Variants in ADCY8 observed in about 807,000 individuals in gnomAD.
ADCY8 encodes the protein adenylate cyclase type 8.
A neutral mutation model predicts 119.7 loss-of-function variants in ADCY8; 51 were observed. That is an observed-to-expected ratio of 0.43 (90% CI 0.34 to 0.54). ADCY8 has a LOEUF of 0.54. ADCY8 is among the 20% of genes least tolerant of loss of function. The pLI, the probability that ADCY8 is intolerant of heterozygous loss-of-function variation, is 0.03. For synonymous variants in ADCY8, 665 were observed against 651.0 expected (o/e 1.02, Z -0.33); for missense variants, 1,383 against 1,598.8 (o/e 0.87, Z 2.30).
intron 11 of ADCY8, among the ~76,000 whole-genome samples, chr8:130,845,081 C>A (rs1248117669): frequency 6.6e-6 from 1 of 152,074 alleles, no homozygotes; most frequent in Non-Finnish European, 1.5e-5. Context: ...TCACTTAATT[C>A]TTGTAATTAA....
At chr8:130,842,579 AATT>A (rs1817178876) in intron 11 of ADCY8, among the ~76,000 whole-genome samples, 1 of 152,102 alleles carries the variant, frequency 6.6e-6, no homozygotes, top group South Asian at 2.1e-4. Context: ...CAGTTATAGC[AATT>A]ATTTGCCTGG....
At chr8:130,967,895 G>A (rs545248569) in intron 2 of ADCY8, among the ~76,000 whole-genome samples, 6 of 152,290 alleles carry the variant, frequency 3.9e-5, no homozygotes, top group South Asian at 4.1e-4. Flanking sequence ...ACAGACAGAA[G>A]CTCAGGTTCT....
intron 2 of ADCY8, among the ~76,000 whole-genome samples, chr8:130,969,893 T>A (rs1821871732): frequency 6.6e-6 from 1 of 152,240 alleles, no homozygotes; most frequent in African/African-American, 2.4e-5. Flanking sequence ...CAGGATTTTA[T>A]TAGGGTCATT....
At position 130,840,020 on chromosome 8, in the gene ADCY8, G is replaced by A. The variant is rs149734992; in HGVS notation, c.2503-3571C>T. Among the ~76,000 whole-genome samples, 500 of 140,190 alleles carry A rather than the reference G, an allele frequency of 3.6e-3. 106 individuals are homozygous for A. Among genetic ancestry groups the A allele is most frequent in the South Asian group, 0.02 (70 of 3,462 alleles). 92.0% of individuals were successfully genotyped at this position (140,190 alleles called of 152,430 possible). ...CCAATAAACTTAGCAAGATATAAAA[G>A]TTGGACAACATTGTCTAGTTTTATG... On this transcript the variant is annotated intron_variant, in intron 11 of 17. Coordinates refer to ENST00000286355, the MANE Select transcript of ADCY8 (RefSeq NM_001115.3).
intron 1 of ADCY8, among the ~76,000 whole-genome samples, chr8:131,036,918 A>C (rs1824174079): frequency 6.6e-6 from 1 of 152,162 alleles, no homozygotes; most frequent in Non-Finnish European, 1.5e-5. Flanking sequence ...AGAAGTTAGG[A>C]TTTTACTCGA....
chr8:130,853,226 C>T lies in ADCY8; in HGVS notation c.2211-3423G>A, dbSNP rs138171436. Among the ~76,000 whole-genome samples, 502 of 152,372 alleles carry T rather than the reference C, an allele frequency of 3.3e-3. 2 individuals carry two copies. The highest frequency in any genetic ancestry group is 6.8e-3 in the Middle Eastern group (2 of 294). On this transcript the variant is annotated intron_variant, in intron 9 of 17. Transcript: ENST00000286355. ...ATGACAGGGAAGCCAGAGCCTTGAT[C>T]TACCCTATGGGAGGAGGGCTGGCCA...
At chr8:130,885,691 A>T (rs1033115649) in intron 7 of ADCY8, among the ~76,000 whole-genome samples, 9 of 152,132 alleles carry the variant, frequency 5.9e-5, no homozygotes, top group Non-Finnish European at 7.4e-5. Context: ...TTGGACCTGA[A>T]GGGATATATA....
chr8:130,916,586 A>T (rs1003604209), intron 5 of ADCY8, among the ~76,000 whole-genome samples: 2 of 152,254 alleles, frequency 1.3e-5, no homozygotes, highest in African/African-American at 4.8e-5. Context: ...TAACATGTCC[A>T]TAATGGCCAT....
At chr8:131,005,001 A>G (rs761338017) in intron 1 of ADCY8, among the ~76,000 whole-genome samples, 5 of 152,170 alleles carry the variant, frequency 3.3e-5, no homozygotes, top group Non-Finnish European at 7.3e-5. Flanking sequence ...CTGGTGACCT[A>G]TTATATACTG....
chr8:131,033,990 T>C (rs1824073042), intron 1 of ADCY8, among the ~76,000 whole-genome samples: 1 of 152,034 alleles, frequency 6.6e-6, no homozygotes, highest in African/African-American at 2.4e-5. Flanking sequence ...TTAAAGCCTA[T>C]ATGAATTTCC....
At chr8:131,002,930 G>A (rs990424886) in intron 1 of ADCY8, among the ~76,000 whole-genome samples, 2 of 152,134 alleles carry the variant, frequency 1.3e-5, no homozygotes, top group Non-Finnish European at 2.9e-5. Context: ...GGCTGGGCAC[G>A]GTGGCTCACG....
rs552744334 is a variant in ADCY8, at chr8:130,827,484, A to C, written c.2676-6064T>G. On this transcript the variant is annotated intron_variant, in intron 12 of 17. Transcript: ENST00000286355. ...CCTGATCGAACCAATCTGTGAGCCT[A>C]TGTAAATCAGACACCACCTCCTCAA... is the stretch of plus-strand genomic sequence containing the variant. Among the ~76,000 whole-genome samples, 9 of 152,316 alleles carry C rather than the reference A, an allele frequency of 5.9e-5. No individual in the cohort carries two copies. The East Asian group carries it at 1.7e-3, about 29-fold the overall frequency.
intron 1 of ADCY8, among the ~76,000 whole-genome samples, chr8:131,016,687 G>A (rs949288515): frequency 1.3e-5 from 2 of 152,098 alleles, no homozygotes; most frequent in African/African-American, 4.8e-5. Flanking sequence ...GGTGAGGCTG[G>A]AGCAGAGTGA....
intron 1 of ADCY8, among the ~76,000 whole-genome samples, chr8:131,003,924 T>A (rs1205234427): frequency 6.6e-6 from 1 of 152,120 alleles, no homozygotes; most frequent in Non-Finnish European, 1.5e-5. Context: ...ATTAACTATG[T>A]GGTTGGCTAA....
intron 12 of ADCY8, among the ~76,000 whole-genome samples, chr8:130,832,608 T>A (rs937127779): frequency 6.6e-6 from 1 of 152,024 alleles, no homozygotes; most frequent in South Asian, 2.1e-4. Context: ...TAGCAAAGAG[T>A]AAGGCAATAG....
intron 1 of ADCY8, among the ~76,000 whole-genome samples, chr8:130,994,530 A>G (rs1822705647): frequency 6.6e-6 from 1 of 152,160 alleles, no homozygotes; most frequent in Non-Finnish European, 1.5e-5. Flanking sequence ...GTATAAGTTT[A>G]TTTTGGTGCA....
At chr8:130,839,796 C>T (rs982862497) in intron 11 of ADCY8, among the ~76,000 whole-genome samples, 1 of 140,070 alleles carries the variant, frequency 7.1e-6, no homozygotes, top group African/African-American at 2.4e-5. Flanking sequence ...GGGGCAAAAC[C>T]ACACTGTAAA....
intron 1 of ADCY8, among the ~76,000 whole-genome samples, chr8:131,038,801 G>A (rs1038208631): frequency 8.5e-5 from 13 of 152,120 alleles, no homozygotes; most frequent in South Asian, 8.3e-4. Context: ...AAAAATTCCC[G>A]AGAAAACCAT....
intron 4 of ADCY8, among the ~76,000 whole-genome samples, chr8:130,942,280 T>C (rs569782763): frequency 6.6e-6 from 1 of 152,348 alleles, no homozygotes; most frequent in Admixed American, 6.5e-5. Context: ...TATTCTATTG[T>C]ATTATTTATA....
Sources: gnomAD v4.1 joint callset for allele counts (sites outside exome capture counted in the v4.1 genomes callset) on GRCh38, gnomAD v4.1.1 for gene constraint, MANE v1.5 for transcripts, NCBI Gene and HGNC (gene_info 2026-07-23, HGNC 2026-07-21) for gene names.